Variants in ANGPT1 observed in about 807,000 individuals in gnomAD.
ANGPT1 encodes the protein angiopoietin-1.
ANGPT1 carries 17 observed loss-of-function variants against 62.2 expected under a neutral mutation model. That is an observed-to-expected ratio of 0.27 (90% CI 0.19 to 0.41). The LOEUF is 0.41. Among genes scored for constraint, ANGPT1 ranks in the 10% least tolerant of loss-of-function variants. The pLI is 1.00. For missense variants in ANGPT1, 478 were observed against 594.9 expected, an observed-to-expected ratio of 0.80 and a Z score of 2.04; for synonymous variants, 199 against 198.9, an observed-to-expected ratio of 1.00 and a Z score of 0.00.
At position 107,454,895 on chromosome 8, in the gene ANGPT1, A is replaced by C. The variant is rs373164992; in HGVS notation, c.297+42367T>G. ...GAACAAACAATGGGAGATCTGTCTA[A>C]GAGGTGGAAATGTCTAGGGTGTACT... On this transcript the variant is annotated intron_variant, in intron 1 of 8. Coordinates refer to ENST00000517746, the MANE Select transcript of ANGPT1 (RefSeq NM_001146.5). Among the ~76,000 whole-genome samples the C allele has an allele frequency of 5.3e-5, 8 of 152,194 alleles. No individual in the cohort carries two copies. The South Asian group carries it at 1.7e-3, about 32-fold the overall frequency.
At chr8:107,482,675 A>T (rs1194927266) in intron 1 of ANGPT1, among the ~76,000 whole-genome samples, 1 of 152,110 alleles carries the variant, frequency 6.6e-6, no homozygotes, top group Non-Finnish European at 1.5e-5. Flanking sequence ...TTCTCTACCT[A>T]TTACTTGTAC....
intron 2 of ANGPT1, among the ~76,000 whole-genome samples, chr8:107,341,982 C>A (rs1002291616): frequency 6.6e-6 from 1 of 152,152 alleles, no homozygotes; most frequent in African/African-American, 2.4e-5. Flanking sequence ...ATCCAACTCT[C>A]TCTCCCTGCC....
chr8:107,401,943 A>T (rs1174047651), intron 1 of ANGPT1, among the ~76,000 whole-genome samples: 1 of 152,164 alleles, frequency 6.6e-6, no homozygotes. Flanking sequence ...CTTCATGCTT[A>T]TTATGTTGGA....
In ANGPT1 at chr8:107,485,506, G is replaced by C. The variant is rs906720268; in HGVS notation, c.297+11756C>G. 5.9e-5 allele frequency among the ~76,000 whole-genome samples: 9 copies of C among 152,092 alleles called. No individual in the cohort carries two copies. In the East Asian group the frequency reaches 1.7e-3, roughly 29 times the overall value. ...CAAAACCCAAATTTTGAGTGGCCAG[G>C]CCTCCAAGATCAGACAAAACGAGAG... On this transcript the variant is annotated intron_variant, in intron 1 of 8. Transcript: ENST00000517746.
intron 1 of ANGPT1, among the ~76,000 whole-genome samples, chr8:107,397,010 C>A (rs1211145713): frequency 6.6e-6 from 1 of 152,074 alleles, no homozygotes; most frequent in Non-Finnish European, 1.5e-5. Context: ...GAAAGGGATG[C>A]TGGGCAGGGA....
At chr8:107,352,839 G>A (rs970599265) in intron 1 of ANGPT1, among the ~76,000 whole-genome samples, 14 of 151,826 alleles carry the variant, frequency 9.2e-5, no homozygotes, top group African/African-American at 3.1e-4. Flanking sequence ...GGTAAATATG[G>A]GAAAGCAATA....
intron 4 of ANGPT1, among the ~76,000 whole-genome samples, chr8:107,311,835 C>T (rs1410845350): frequency 2.0e-5 from 3 of 152,026 alleles, no homozygotes; most frequent in South Asian, 2.1e-4. Context: ...AAGTCCGAGG[C>T]GGGCGGATCA....
intron 1 of ANGPT1, among the ~76,000 whole-genome samples, chr8:107,389,887 A>C (rs1243278390): frequency 6.6e-6 from 1 of 151,902 alleles, no homozygotes; most frequent in Non-Finnish European, 1.5e-5. Context: ...CCCTCTGTAC[A>C]TTCTTCATTC....
intron 1 of ANGPT1, among the ~76,000 whole-genome samples, chr8:107,454,728 C>T (rs1265412751): frequency 6.6e-6 from 1 of 152,058 alleles, no homozygotes; most frequent in African/African-American, 2.4e-5. Flanking sequence ...CAAATTTCAC[C>T]TGCCTAACTT....
At chr8:107,446,762 T>C (rs1483657736) in intron 1 of ANGPT1, among the ~76,000 whole-genome samples, 1 of 152,204 alleles carries the variant, frequency 6.6e-6, no homozygotes, top group East Asian at 1.9e-4. Flanking sequence ...TTGCAGAGTA[T>C]GGGAGATGGA....
intron 1 of ANGPT1, among the ~76,000 whole-genome samples, chr8:107,486,264 T>A (rs1461881989): frequency 6.6e-6 from 1 of 152,216 alleles, no homozygotes; most frequent in African/African-American, 2.4e-5. Flanking sequence ...TAATCTCATA[T>A]TTGGTTAAGA....
chr8:107,364,114 C>A (rs560375206), intron 1 of ANGPT1, among the ~76,000 whole-genome samples: 1 of 151,982 alleles, frequency 6.6e-6, no homozygotes, highest in Non-Finnish European at 1.5e-5. Flanking sequence ...AAGCCATTTA[C>A]TATATATATT....
Position 107,324,187 on chromosome 8 carries a change from GTATATATGTA to G in ANGPT1, c.576-2069_576-2060del, listed in dbSNP as rs1425404574. On this transcript the variant is annotated intron_variant, in intron 3 of 8. Coordinates refer to ENST00000517746, the MANE Select transcript of ANGPT1 (RefSeq NM_001146.5). ...TGTATATATATATATGTGTGTGTGT[GTATATATGTA>G]TATATATGTATATATATATGTGTGT... 8.5e-5 allele frequency among the ~76,000 whole-genome samples: 9 copies of G among 105,962 alleles called. 1 individual carries two copies. The highest frequency in any genetic ancestry group is 1.3e-4 in the Non-Finnish European group (7 of 55,560). 69.5% of individuals were successfully genotyped at this position (105,962 alleles called of 152,430 possible). A position where few individuals can be genotyped will look rare whatever the true frequency, so the allele number is the denominator to read the frequency against.
chr8:107,295,822 A>G (rs1814400018), intron 5 of ANGPT1, among the ~76,000 whole-genome samples: 1 of 152,154 alleles, frequency 6.6e-6, no homozygotes, highest in African/African-American at 2.4e-5. Flanking sequence ...AGGAAGAAAG[A>G]AAGGAATTGC....
intron 4 of ANGPT1, among the ~76,000 whole-genome samples, chr8:107,315,201 A>G (rs975625309): frequency 6.6e-6 from 1 of 152,180 alleles, no homozygotes; most frequent in African/African-American, 2.4e-5. Context: ...AGTATCAGCC[A>G]TTATGTCTCT....
intron 2 of ANGPT1, among the ~76,000 whole-genome samples, chr8:107,338,670 A>G (rs1476074360): frequency 6.6e-6 from 1 of 152,242 alleles, no homozygotes; most frequent in Non-Finnish European, 1.5e-5. Context: ...AAAACAAACA[A>G]TTTGAAGGTA....
intron 1 of ANGPT1, among the ~76,000 whole-genome samples, chr8:107,359,888 A>G (rs1273967325): frequency 6.6e-6 from 1 of 152,164 alleles, no homozygotes; most frequent in Non-Finnish European, 1.5e-5. Flanking sequence ...AGAAAATGAG[A>G]ATTCAATTTT....
chr8:107,448,307 A>G (rs1165344988), intron 1 of ANGPT1, among the ~76,000 whole-genome samples: 1 of 152,224 alleles, frequency 6.6e-6, no homozygotes, highest in Non-Finnish European at 1.5e-5. Context: ...CTCTTCTATC[A>G]TAATGCAACT....
At chr8:107,428,644 G>A (rs1811098470) in intron 1 of ANGPT1, among the ~76,000 whole-genome samples, 1 of 151,998 alleles carries the variant, frequency 6.6e-6, no homozygotes, top group Non-Finnish European at 1.5e-5. Flanking sequence ...GTGTGTGTGT[G>A]TGTGTGTGTG....
Sources: allele counts gnomAD v4.1 joint callset (sites outside exome capture counted in the v4.1 genomes callset), GRCh38; gene constraint gnomAD v4.1.1; transcripts MANE v1.5; gene names NCBI Gene and HGNC (gene_info 2026-07-23, HGNC 2026-07-21).